The following FBXW10B variants were observed in gnomAD, a reference collection of about 807,000 sequenced individuals.
The protein encoded by FBXW10B is F-box and WD repeat domain containing protein 10B.
the FBXW10B span, among the ~76,000 whole-genome samples, chr17:15,616,769 G>A: frequency 6.9e-6 from 1 of 144,838 alleles, no homozygotes; most frequent in African/African-American, 2.6e-5. Flanking sequence ...CCAAGATCAG[G>A]CCACTGCACT....
At chr17:15,596,138 A>G in the FBXW10B span, among the ~76,000 whole-genome samples, 3 of 152,046 alleles carry the variant, frequency 2.0e-5, no homozygotes, top group Non-Finnish European at 2.9e-5. Flanking sequence ...CGCCTGCCTC[A>G]GCCTCCCAAA....
chr17:15,604,090 A>AT, the FBXW10B span, among the ~76,000 whole-genome samples: 5 of 150,108 alleles, frequency 3.3e-5, no homozygotes, highest in Admixed American at 6.7e-5. Flanking sequence ...AAAAAAAAAA[A>AT]ACAAAAACTA....
the FBXW10B span, among the ~76,000 whole-genome samples, chr17:15,569,539 G>A: frequency 7.9e-6 from 1 of 126,192 alleles, no homozygotes; most frequent in African/African-American, 3.1e-5. Flanking sequence ...ATGGCTCACT[G>A]CACCCTTAAC....
chr17:15,583,149 A>G, the FBXW10B span, among the ~76,000 whole-genome samples: 3 of 145,174 alleles, frequency 2.1e-5, no homozygotes, highest in African/African-American at 7.6e-5. Flanking sequence ...AGGTCTCTGT[A>G]TGTGGCCTTC....
chr17:15,583,621 C>A, the FBXW10B span, among the ~76,000 whole-genome samples: 1 of 150,512 alleles, frequency 6.6e-6, no homozygotes, highest in Non-Finnish European at 1.5e-5. Flanking sequence ...GTGATTGCAT[C>A]CCAACTCAAG....
the FBXW10B span, among the ~76,000 whole-genome samples, chr17:15,578,489 A>G: frequency 6.6e-6 from 1 of 152,124 alleles, no homozygotes; most frequent in Admixed American, 6.5e-5. Context: ...GAACAAAGCT[A>G]TTTTTTAAGT....
chr17:15,606,521 A>C, the FBXW10B span, among the ~76,000 whole-genome samples: 1 of 149,830 alleles, frequency 6.7e-6, no homozygotes, highest in Non-Finnish European at 1.5e-5. Flanking sequence ...AATGAGATTC[A>C]CTCTGAAAAA....
the FBXW10B span, chr17:15,613,951 C>T: frequency 6.3e-7 from 1 of 1,584,814 alleles, no homozygotes; most frequent in Non-Finnish European, 8.6e-7. Flanking sequence ...AGGGATCGTA[C>T]CCTGGCTTGG....
the FBXW10B span, among the ~76,000 whole-genome samples, chr17:15,608,656 G>A: frequency 1.3e-5 from 2 of 151,630 alleles, no homozygotes; most frequent in Non-Finnish European, 2.9e-5. Flanking sequence ...GTTTCACCAC[G>A]TTGGCCAGGC....
the FBXW10B span, among the ~76,000 whole-genome samples, chr17:15,601,325 C>T: frequency 2.1e-5 from 3 of 144,946 alleles, no homozygotes; most frequent in Non-Finnish European, 4.5e-5. Context: ...AGGAGAATGG[C>T]GTGAACCCAG....
At chr17:15,584,958 CCTT>C in the FBXW10B span, among the ~76,000 whole-genome samples, 12 of 131,958 alleles carry the variant, frequency 9.1e-5, no homozygotes, top group African/African-American at 2.9e-4. Flanking sequence ...GAGTAAACAA[CCTT>C]CTTCTTCTTT....
the FBXW10B span, chr17:15,596,558 C>T: frequency 6.2e-7 from 1 of 1,611,140 alleles, no homozygotes; most frequent in Non-Finnish European, 8.5e-7. Flanking sequence ...TTCACCAGCC[C>T]TCGCTCACAG....
At chr17:15,566,899 G>A in the FBXW10B span, among the ~76,000 whole-genome samples, 2 of 151,692 alleles carry the variant, frequency 1.3e-5, 1 homozygote, top group South Asian at 4.2e-4. Flanking sequence ...CTAGTATTGA[G>A]TAAAGAGTAT....
the FBXW10B span, among the ~76,000 whole-genome samples, chr17:15,582,024 C>T: frequency 1.3e-5 from 2 of 151,478 alleles, no homozygotes; most frequent in African/African-American, 4.9e-5. Flanking sequence ...ATAAAAAAAA[C>T]ATATTTCACA....
At chr17:15,591,170 C>T in the FBXW10B span, among the ~76,000 whole-genome samples, 178 of 152,336 alleles carry the variant, frequency 1.2e-3, no homozygotes, top group Non-Finnish European at 1.7e-3. Context: ...GTTGCCTCCC[C>T]GGAGGCTAGA....
At chr17:15,583,300 C>T in the FBXW10B span, among the ~76,000 whole-genome samples, 1 of 129,588 alleles carries the variant, frequency 7.7e-6, no homozygotes, top group Non-Finnish European at 1.7e-5. Flanking sequence ...ACCCTTTCCG[C>T]CCATCTCCCA....
chr17:15,611,342 C>T, the FBXW10B span, among the ~76,000 whole-genome samples: 3 of 152,100 alleles, frequency 2.0e-5, no homozygotes, highest in Admixed American at 6.6e-5. Flanking sequence ...TTTTCTTTGG[C>T]CTATGTAGTT....
At chr17:15,573,153 C>G in the FBXW10B span, 1 of 152,218 alleles carries the variant, frequency 6.6e-6, no homozygotes, top group East Asian at 1.9e-4. Flanking sequence ...ATAGCTCTGT[C>G]TACCTGTAAT....
chr17:15,599,927 G>T, the FBXW10B span, among the ~76,000 whole-genome samples: 2 of 151,930 alleles, frequency 1.3e-5, no homozygotes, highest in East Asian at 3.9e-4. Flanking sequence ...AATAATAATT[G>T]TACTTACAGC....
Sources: allele counts gnomAD v4.1 joint callset (sites outside exome capture counted in the v4.1 genomes callset), GRCh38; gene constraint gnomAD v4.1.1; transcripts MANE v1.5; gene names NCBI Gene and HGNC (gene_info 2026-07-23, HGNC 2026-07-21).